RRP12: variants seen among roughly 807,000 people sequenced by gnomAD.
RRP12 encodes the protein RRP12-like protein.
A neutral mutation model predicts 157.3 loss-of-function variants in RRP12; 78 were observed. The observed-to-expected ratio is 0.50, with a 90% confidence interval of 0.41 to 0.60. The LOEUF (loss-of-function observed/expected upper bound fraction) is 0.60. Ranked by LOEUF, RRP12 falls within the 20% of genes least tolerant of loss-of-function variation. RRP12 has a pLI of 0.00. For synonymous variants in RRP12, 726 were observed against 670.9 expected (o/e 1.08, Z -1.27); for missense variants, 1,521 against 1,679.9 (o/e 0.91, Z 1.65).
At chr10:97,385,574 TC>T (rs1464714221) in intron 9 of RRP12, among the ~76,000 whole-genome samples, 1 of 150,904 alleles carries the variant, frequency 6.6e-6, no homozygotes, top group Non-Finnish European at 1.5e-5. Flanking sequence ...GGGGATCTGA[TC>T]CCCCCTCCCA....
chr10:97,374,547 C>A (rs796285287), intron 15 of RRP12, among the ~76,000 whole-genome samples: 13 of 151,760 alleles, frequency 8.6e-5, no homozygotes, highest in African/African-American at 3.1e-4. Context: ...CTGAGGCGGG[C>A]AGATCATGAG....
intron 23 of RRP12, 62 bp downstream of exon 23, chr10:97,370,393 G>A: frequency 7.2e-7 from 1 of 1,394,572 alleles, no homozygotes; most frequent in Admixed American, 2.1e-5. Flanking sequence ...CCTTTTTTGA[G>A]GGGTGCTTCC....
At chr10:97,370,594 T>C (rs1341726046) in intron 22 of RRP12, 34 bp from the exon 23 acceptor site, 2 of 1,589,540 alleles carry the variant, frequency 1.3e-6, no homozygotes, top group South Asian at 1.1e-5. Context: ...ATCTGCTCCC[T>C]GAGCCATCTG....
At chr10:97,379,844 G>A (rs1401983503) in intron 13 of RRP12, 74 bp from the exon 14 acceptor site, 15 of 1,450,032 alleles carry the variant, frequency 1.0e-5, no homozygotes, top group South Asian at 9.5e-5. Context: ...CCCGCTGAAC[G>A]ATGAGGCTGG....
In RRP12 at chr10:97,366,139, G is replaced by A; in HGVS notation, c.3486C>T (p.Gly1162=). 1 of 1,604,870 alleles carries A rather than the reference G, an allele frequency of 6.2e-7. No individual in the cohort carries two copies. Among genetic ancestry groups the A allele is most frequent in the Non-Finnish European group, 8.5e-7 (1 of 1,179,724 alleles). ...GRLIIREEAD[G]NKMEEEEGAK... is the part of the protein sequence containing the mutation. ...CACCTTCCTCTTCCTCCATCTTGTTGCCGTCTGCCTCCTCCCTTATGATCA... is the reference window on the plus strand; with the variant it reads ...CACCTTCCTCTTCCTCCATCTTGTTACCGTCTGCCTCCTCCCTTATGATCA... The change falls in exon 29 of 34, where the codon GGC becomes GGT. Residue 1162 remains glycine, a synonymous_variant. Transcript: ENST00000370992.
At chr10:97,367,421 T>C in intron 25 of RRP12, 1 of 472,772 alleles carries the variant, frequency 2.1e-6, no homozygotes, top group Non-Finnish European at 3.8e-6. Flanking sequence ...CCTTGAATCC[T>C]TGGACTACCC....
intron 17 of RRP12, 130 bp from the exon 18 acceptor site, chr10:97,373,330 C>A: frequency 9.2e-7 from 1 of 1,085,856 alleles, no homozygotes; most frequent in East Asian, 2.6e-5. Flanking sequence ...GTTTGGGGCT[C>A]TCTGTGGCAG....
chr10:97,388,261 C>T lies in RRP12; in HGVS notation c.1008G>A (p.Leu336=). The T allele has an allele frequency of 6.2e-7, 1 of 1,614,034 alleles. No homozygotes were observed. The highest frequency in any genetic ancestry group is 1.3e-5 in the African/African-American group (1 of 75,044). Reference sequence around the variant, plus strand: ...TTGGGCCTGAGCTCACCACATGGCTCAAGGTCATGACCCTGAGGAGAGTCT... The same window carrying T: ...TTGGGCCTGAGCTCACCACATGGCTTAAGGTCATGACCCTGAGGAGAGTCT... ...CSETLLRVMT[L]SHVLVTACAM... is the part of the protein sequence containing the mutation. Residue 336 remains leucine, a synonymous_variant, in exon 8 of 34, where the codon TTG becomes TTA. Coordinates refer to ENST00000370992, the MANE Select transcript of RRP12 (RefSeq NM_015179.4).
Position 97,372,794 on chromosome 10 carries a change from T to C in RRP12, c.2191A>G (p.Ser731Gly), listed in dbSNP as rs759110805. 2.8e-5 allele frequency: 44 copies of C among 1,562,516 alleles called. No individual in the cohort carries two copies. The highest frequency in any genetic ancestry group is 3.6e-5 in the Non-Finnish European group (41 of 1,152,742). The change falls in exon 19 of 34, where the codon AGT becomes GGT. Residue 731 changes from serine to glycine, a missense_variant. Physicochemically the swap from Ser to Gly is moderately conservative, Grantham distance 56. Coordinates refer to ENST00000370992, the MANE Select transcript of RRP12 (RefSeq NM_015179.4). ...TTCTCACTGGCTTTTTCCAGGAGAC[T>C]GTTCACCAACTTGTGGCCCCGAGGG... Reference protein sequence around the residue: ...LTITDTQLVNSLLEKASEKVL... With the variant: ...LTITDTQLVNGLLEKASEKVL...
At chr10:97,371,733 G>A (rs897549390) in intron 20 of RRP12, 1 of 234,036 alleles carries the variant, frequency 4.3e-6, no homozygotes, top group African/African-American at 2.2e-5. Context: ...GGCAGCTGAA[G>A]GAGGCTGCAG....
In RRP12 at chr10:97,358,959, G is replaced by T. The variant is rs143870774; in HGVS notation, c.3692C>A (p.Ala1231Asp). Residue 1231 changes from alanine to aspartate, a missense_variant, in exon 32 of 34, where the codon GCT becomes GAT. Ala to Asp is a moderately radical substitution (Grantham distance 126). Coordinates refer to ENST00000370992, the MANE Select transcript of RRP12 (RefSeq NM_015179.4). ...AGCACTTACCTTGGCCTTGTATTCA[G>T]CCCCAGGCATAGCCTTCTTGGCCAC... ...RPVAKKAMPGAEYKAKKAKGD... is the reference protein window; with the variant it reads ...RPVAKKAMPGDEYKAKKAKGD... The T allele has an allele frequency of 3.1e-5, 50 of 1,613,512 alleles. No homozygotes were observed. The highest frequency in any genetic ancestry group is 3.3e-4 in the Middle Eastern group (2 of 6,078).
chr10:97,365,374 C>T (rs940407115), intron 29 of RRP12, among the ~76,000 whole-genome samples: 2 of 151,282 alleles, frequency 1.3e-5, no homozygotes, highest in African/African-American at 4.9e-5. Flanking sequence ...CCTGGGTCCA[C>T]GCCATTCTCC....
Position 97,373,583 on chromosome 10 carries a change from C to T in RRP12, c.2018G>A (p.Cys673Tyr), listed in dbSNP as rs774752470. ...QALRTLITKG[C>Y]QAEADRAEVS... Reference sequence around the variant, plus strand: ...CCACAGCCCACACGTACCTGCCTGGCAGCCCTTGGTGATGAGGGTGCGCAG... The same window carrying T: ...CCACAGCCCACACGTACCTGCCTGGTAGCCCTTGGTGATGAGGGTGCGCAG... The change falls in exon 17 of 34, where the codon TGC (cysteine) becomes TAC (tyrosine). Residue 673 changes from cysteine to tyrosine, a missense_variant. Coordinates refer to ENST00000370992, the MANE Select transcript of RRP12 (RefSeq NM_015179.4). The T allele has an allele frequency of 5.0e-6, 8 of 1,599,746 alleles. No individual in the cohort carries two copies. In the East Asian group the frequency reaches 1.6e-4, roughly 31 times the overall value.
At chr10:97,367,569 A>AC (rs1331286179) in intron 25 of RRP12, among the ~76,000 whole-genome samples, 1 of 152,110 alleles carries the variant, frequency 6.6e-6, no homozygotes, top group Non-Finnish European at 1.5e-5. Flanking sequence ...TGCCCCTAGC[A>AC]CCCCAAGATT....
chr10:97,395,978 C>G (rs927736986), intron 3 of RRP12, among the ~76,000 whole-genome samples: 1 of 151,500 alleles, frequency 6.6e-6, no homozygotes, highest in Admixed American at 6.6e-5. Flanking sequence ...CCAGCCTGGA[C>G]AACATAGTGA....
rs1288128793 is a variant in RRP12 at position 97,357,082 on chromosome 10, G to A, written c.*12C>T. The A allele has an allele frequency of 7.0e-6, 11 of 1,567,724 alleles. No individual in the cohort carries two copies. The highest frequency in any genetic ancestry group is 9.7e-6 in the Non-Finnish European group (11 of 1,138,922). On this transcript the variant is annotated 3_prime_UTR_variant, in exon 34 of 34. Coordinates refer to ENST00000370992, the MANE Select transcript of RRP12 (RefSeq NM_015179.4). ...CAGACTGGACCACAGGGCAGCCCAG[G>A]GGCCCTGGGCCTCAGGGTCGACGAT...
chr10:97,364,276 C>T (rs1157293316), intron 29 of RRP12, among the ~76,000 whole-genome samples: 2 of 152,186 alleles, frequency 1.3e-5, no homozygotes, highest in Non-Finnish European at 2.9e-5. Flanking sequence ...CACACCCCCA[C>T]TGTGCCAGGA....
At chr10:97,371,364 G>T (rs1246823106) in intron 20 of RRP12, 1 of 472,012 alleles carries the variant, frequency 2.1e-6, no homozygotes, top group Non-Finnish European at 3.8e-6. Flanking sequence ...ACGCGCCAAG[G>T]CCTGCACATC....
intron 2 of RRP12, among the ~76,000 whole-genome samples, chr10:97,396,857 T>G (rs960575638): frequency 6.6e-6 from 1 of 152,124 alleles, no homozygotes; most frequent in Non-Finnish European, 1.5e-5. Context: ...CCTCTGCCTC[T>G]GGGTTCAAGC....
Sources: gnomAD v4.1 joint callset for allele counts (sites outside exome capture counted in the v4.1 genomes callset) on GRCh38, gnomAD v4.1.1 for gene constraint, MANE v1.5 for transcripts, NCBI Gene and HGNC (gene_info 2026-07-23, HGNC 2026-07-21) for gene names.